The following CNTNAP2 variants were observed in gnomAD, a reference collection of about 807,000 sequenced individuals.
The protein encoded by CNTNAP2 is contactin associated protein 2.
Under a neutral mutation model 155.2 loss-of-function variants are expected in CNTNAP2, and 98 were observed. The ratio of observed to expected loss-of-function variants is 0.63; its 90% confidence interval spans 0.54 to 0.75. The LOEUF (loss-of-function observed/expected upper bound fraction) is 0.75. CNTNAP2 is among the 30% of genes least tolerant of loss of function. The pLI, the probability that CNTNAP2 is intolerant of heterozygous loss-of-function variation, is 0.00. For missense variants in CNTNAP2, 1,727 were observed against 1,688.1 expected, an observed-to-expected ratio of 1.02 and a Z score of -0.40; for synonymous variants, 651 against 631.2, an observed-to-expected ratio of 1.03 and a Z score of -0.47.
intron 4 of CNTNAP2, among the ~76,000 whole-genome samples, chr7:147,045,504 AT>A (rs1799339939): frequency 6.6e-6 from 1 of 152,176 alleles, no homozygotes; most frequent in Admixed American, 6.6e-5. Flanking sequence ...AAAACTGTTT[AT>A]TTGGTTACCA....
intron 3 of CNTNAP2, among the ~76,000 whole-genome samples, chr7:146,912,732 T>A (rs986609040): frequency 1.3e-5 from 2 of 152,176 alleles, no homozygotes; most frequent in African/African-American, 4.8e-5. Context: ...TTTTCTAGAC[T>A]GTGAAAAACA....
At chr7:148,066,805 C>A (rs1355126217) in intron 15 of CNTNAP2, among the ~76,000 whole-genome samples, 1 of 152,036 alleles carries the variant, frequency 6.6e-6, no homozygotes, top group Non-Finnish European at 1.5e-5. Flanking sequence ...GCCTTAAATT[C>A]TTTTTTCTTT....
rs376388325 is a variant in CNTNAP2, at chr7:146,882,058, C to T, written c.402+42154C>T. On this transcript the variant is annotated intron_variant, in intron 3 of 23. Coordinates refer to ENST00000361727, the MANE Select transcript of CNTNAP2 (RefSeq NM_014141.6). The stretch of plus-strand genomic sequence containing the variant: ...TAGCTCCCACTTATAAGTGAAGATA[C>T]GCAGTATTTGGTTTTCTGTTCCCGC... Among the ~76,000 whole-genome samples, 101 of 152,084 alleles carry T rather than the reference C, an allele frequency of 6.6e-4. 1 individual carries two copies. Among genetic ancestry groups the T allele is most frequent in the Middle Eastern group, 3.4e-3 (1 of 294 alleles).
chr7:147,073,965 A>C (rs539352736), intron 4 of CNTNAP2, among the ~76,000 whole-genome samples: 1 of 152,230 alleles, frequency 6.6e-6, no homozygotes, highest in South Asian at 2.1e-4. Context: ...GATAAAGATG[A>C]GGCATTTCAT....
At chr7:148,276,204 TG>T (rs1175167621) in intron 21 of CNTNAP2, among the ~76,000 whole-genome samples, 1 of 152,224 alleles carries the variant, frequency 6.6e-6, no homozygotes, top group East Asian at 1.9e-4. Context: ...CTATCTTATT[TG>T]GGTGTTCCCA....
intron 8 of CNTNAP2, among the ~76,000 whole-genome samples, chr7:147,148,161 CG>C (rs1309055796): frequency 1.3e-5 from 2 of 151,854 alleles, no homozygotes; most frequent in Non-Finnish European, 2.9e-5. Context: ...GAGGCCGAGG[CG>C]GGCGGATCAT....
chr7:148,259,677 C>T (rs1044954838), intron 20 of CNTNAP2, among the ~76,000 whole-genome samples: 15 of 152,198 alleles, frequency 9.9e-5, no homozygotes, highest in Admixed American at 9.2e-4. Flanking sequence ...CCACTGCATC[C>T]CCAAAGCGTA....
intron 8 of CNTNAP2, among the ~76,000 whole-genome samples, chr7:147,265,173 T>C (rs1804578495): frequency 6.6e-6 from 1 of 152,174 alleles, no homozygotes; most frequent in Non-Finnish European, 1.5e-5. Flanking sequence ...CACTACTTCT[T>C]TATATGCACA....
intron 3 of CNTNAP2, among the ~76,000 whole-genome samples, chr7:146,930,963 A>G (rs1305374187): frequency 1.3e-5 from 2 of 151,156 alleles, no homozygotes; most frequent in Non-Finnish European, 3.0e-5. Flanking sequence ...ACAAAGAGAC[A>G]TAGACTCCCA....
At chr7:146,121,924 G>A (rs1184270306) in intron 1 of CNTNAP2, among the ~76,000 whole-genome samples, 1 of 152,134 alleles carries the variant, frequency 6.6e-6, no homozygotes, top group Non-Finnish European at 1.5e-5. Flanking sequence ...TTGTAACAGA[G>A]TGATTCACTA....
intron 22 of CNTNAP2, 91 bp downstream of exon 22, chr7:148,383,979 A>T: frequency 6.6e-7 from 1 of 1,504,012 alleles, no homozygotes. Context: ...ACAGAACCTC[A>T]CTGGTAATGT....
chr7:148,011,960 A>C (rs1481472612), intron 15 of CNTNAP2, among the ~76,000 whole-genome samples: 1 of 152,196 alleles, frequency 6.6e-6, no homozygotes, highest in East Asian at 1.9e-4. Flanking sequence ...AGCCCAGGGC[A>C]CTTTCCTGTC....
chr7:147,914,863 T>G (rs776832435), intron 14 of CNTNAP2, among the ~76,000 whole-genome samples: 1 of 152,200 alleles, frequency 6.6e-6, no homozygotes, highest in Non-Finnish European at 1.5e-5. Context: ...GGCATTTCTC[T>G]AATGTGTATA....
chr7:147,043,930 T>G lies in CNTNAP2; in HGVS notation c.426T>G (p.Ser142=). The G allele has an allele frequency of 6.2e-7, 1 of 1,614,176 alleles. No individual in the cohort carries two copies. Among genetic ancestry groups the G allele is most frequent in the Non-Finnish European group, 8.5e-7 (1 of 1,180,002 alleles). The change falls in exon 4 of 24, where the codon TCT becomes TCG. Residue 142 remains serine (S), a synonymous_variant. Transcript: ENST00000361727. ...NIWAFPGNIN[S]DGVVRHELQH... ...AGGCATTTCCCGGAAACATTAACTC[T>G]GACGGTGTGGTCCGGCACGAATTAC...
At chr7:146,140,895 C>T (rs370399508) in intron 1 of CNTNAP2, among the ~76,000 whole-genome samples, 1 of 152,028 alleles carries the variant, frequency 6.6e-6, no homozygotes, top group African/African-American at 2.4e-5. Context: ...GGGCGAAAAT[C>T]GGAACCACTA....
intron 1 of CNTNAP2, among the ~76,000 whole-genome samples, chr7:146,367,940 T>C (rs1464756111): frequency 5.3e-5 from 8 of 152,158 alleles, no homozygotes; most frequent in African/African-American, 1.9e-4. Context: ...GCCAGTGTTC[T>C]CTACCATCTC....
intron 9 of CNTNAP2, among the ~76,000 whole-genome samples, chr7:147,389,940 C>T (rs932055622): frequency 1.3e-5 from 2 of 151,952 alleles, no homozygotes; most frequent in African/African-American, 2.4e-5. Flanking sequence ...CATTTCTGAC[C>T]CTCAAAATGC....
At chr7:147,861,999 C>CAAAAAAAAAAAAAAAAAAAAAAA (rs57139075) in intron 13 of CNTNAP2, among the ~76,000 whole-genome samples, 2 of 94,962 alleles carry the variant, frequency 2.1e-5, no homozygotes, top group Non-Finnish European at 2.1e-5. Flanking sequence ...CTCCATCTCA[C>CAAAAAAAAAAAAAAAAAAAAAAA]AAAAAAAAAA....
At chr7:146,425,222 C>T (rs1247965808) in intron 1 of CNTNAP2, among the ~76,000 whole-genome samples, 1 of 152,180 alleles carries the variant, frequency 6.6e-6, no homozygotes, top group Non-Finnish European at 1.5e-5. Context: ...CCTTTTCTAA[C>T]CCTTTCCTGA....
Sources: allele counts gnomAD v4.1 joint callset (sites outside exome capture counted in the v4.1 genomes callset), GRCh38; gene constraint gnomAD v4.1.1; transcripts MANE v1.5; gene names NCBI Gene and HGNC (gene_info 2026-07-23, HGNC 2026-07-21).